Variants in SPG21 observed in about 807,000 individuals in gnomAD.
SPG21 encodes the protein SPG21 abhydrolase domain containing, maspardin.
SPG21 carries 26 observed loss-of-function variants against 38.9 expected under a neutral mutation model. The observed-to-expected ratio is 0.67, with a 90% confidence interval of 0.49 to 0.93. SPG21 has a LOEUF of 0.93. Among genes scored for constraint, SPG21 ranks in the 40% least tolerant of loss-of-function variants. SPG21 has a pLI of 0.00. For missense variants in SPG21, 333 were observed against 376.5 expected, an observed-to-expected ratio of 0.88 and a Z score of 0.96; for synonymous variants, 136 against 128.9, an observed-to-expected ratio of 1.05 and a Z score of -0.37.
At chr15:64,981,185 G>T in intron 2 of SPG21, 160 bp from the exon 3 acceptor site, 1 of 754,704 alleles carries the variant, frequency 1.3e-6, no homozygotes, top group Non-Finnish European at 2.1e-6. Flanking sequence ...AAACTCCTCT[G>T]ATCTCCTTTT....
chr15:64,979,757 G>C (rs1436847243), intron 3 of SPG21, among the ~76,000 whole-genome samples: 4 of 149,570 alleles, frequency 2.7e-5, no homozygotes, highest in Non-Finnish European at 5.9e-5. Context: ...CCACTTACAA[G>C]TGAATACTGC....
intron 5 of SPG21, among the ~76,000 whole-genome samples, chr15:64,971,182 C>T (rs1345065731): frequency 8.5e-5 from 13 of 152,240 alleles, no homozygotes; most frequent in East Asian, 3.9e-4. Flanking sequence ...CTTGGCCTCC[C>T]GAGTAGCTGG....
At position 64,963,417 on chromosome 15, in the gene SPG21, T is replaced by C. The variant is rs1167453864; in HGVS notation, c.*203A>G. On this transcript the variant is annotated 3_prime_UTR_variant, in exon 9 of 9. Transcript: ENST00000204566. Reference sequence around the variant, plus strand: ...AAAGTACTTCTTCAAATTCAAAAGCTAAGAAAACCAAAGAGGGAACAGTTA... The same window carrying C: ...AAAGTACTTCTTCAAATTCAAAAGCCAAGAAAACCAAAGAGGGAACAGTTA... 1.8e-6 allele frequency: 1 copy of C among 551,668 alleles called. No individual in the cohort carries two copies. Among genetic ancestry groups the C allele is most frequent in the Non-Finnish European group, 3.2e-6 (1 of 310,146 alleles). 34.2% of individuals were successfully genotyped at this position (551,668 alleles called of 1,614,324 possible).
In SPG21 at chr15:64,983,582, T is replaced by C. The variant is rs1345462948; in HGVS notation, c.-13A>G. 2 of 1,557,578 alleles carry C rather than the reference T, an allele frequency of 1.3e-6. No homozygotes were observed. The highest frequency in any genetic ancestry group is 1.7e-6 in the Non-Finnish European group (2 of 1,144,370). ...TAATCTCTCCCATGATTAGCTGAAATGGAGGTTAATCCTGAAATAAAAGCA... is the reference window on the plus strand; with the variant it reads ...TAATCTCTCCCATGATTAGCTGAAACGGAGGTTAATCCTGAAATAAAAGCA... On this transcript the variant is annotated 5_prime_UTR_variant, in exon 2 of 9. Transcript: ENST00000204566.
Position 64,963,437 on chromosome 15 carries a change from C to A in SPG21, c.*183G>T. Reference sequence around the variant, plus strand: ...AAAGCTAAGAAAACCAAAGAGGGAACAGTTACACAGGCTTAGTGGAGATGC... The same window carrying A: ...AAAGCTAAGAAAACCAAAGAGGGAAAAGTTACACAGGCTTAGTGGAGATGC... On this transcript the variant is annotated 3_prime_UTR_variant, in exon 9 of 9. Coordinates refer to ENST00000204566, the MANE Select transcript of SPG21 (RefSeq NM_016630.7). The A allele has an allele frequency of 1.7e-6, 1 of 599,826 alleles. No individual in the cohort carries two copies. The allele number at this position is 599,826 out of a possible 1,614,324, so 37.2% of individuals were successfully genotyped here. A position where few individuals can be genotyped will look rare whatever the true frequency, so the allele number is the denominator to read the frequency against.
At chr15:64,972,224 T>C (rs1197760410) in intron 5 of SPG21, among the ~76,000 whole-genome samples, 2 of 152,122 alleles carry the variant, frequency 1.3e-5, no homozygotes, top group Non-Finnish European at 2.9e-5. Flanking sequence ...CCCATCACTT[T>C]CTTATCTTTT....
At position 64,980,808 on chromosome 15, in the gene SPG21, A is replaced by AT; in HGVS notation, c.225+55dup. 12 of 1,548,470 alleles carry AT rather than the reference A, an allele frequency of 7.7e-6. No individual in the cohort carries two copies. In the South Asian group the frequency reaches 9.0e-5, roughly 12 times the overall value. On this transcript the variant is annotated intron_variant, in intron 3 of 8. Transcript: ENST00000204566. ...ACTATAGCTGATGAGAGACAGAAGC[A>AT]TAAAAAAAAAAAAACACACAAAACG...
At chr15:64,978,590 GATGT>G (rs1020692236) in intron 3 of SPG21, among the ~76,000 whole-genome samples, 1 of 152,172 alleles carries the variant, frequency 6.6e-6, no homozygotes, top group African/African-American at 2.4e-5. Context: ...TTTTAGATTT[GATGT>G]ATGACTTTCA....
intron 7 of SPG21, among the ~76,000 whole-genome samples, chr15:64,965,842 C>T (rs1207362754): frequency 6.6e-6 from 1 of 151,900 alleles, no homozygotes; most frequent in Non-Finnish European, 1.5e-5. Context: ...CCTGGGACTA[C>T]AGGCATGCGC....
In SPG21 at chr15:64,974,452, G is replaced by C. The variant is rs961027873; in HGVS notation, c.452+150C>G. The C allele has an allele frequency of 3.3e-6, 3 of 896,614 alleles. No individual in the cohort carries two copies. The East Asian group carries it at 8.0e-5, about 24-fold the overall frequency. The allele number at this position is 896,614 out of a possible 1,614,324, so 55.5% of individuals were successfully genotyped here. On this transcript the variant is annotated intron_variant, in intron 5 of 8. Coordinates refer to ENST00000204566, the MANE Select transcript of SPG21 (RefSeq NM_016630.7). ...ATTGCACCACTGCACTTCAGCCTGGGTGACAGAGCAAGACTCTGTCTCAAA... is the reference window on the plus strand; with the variant it reads ...ATTGCACCACTGCACTTCAGCCTGGCTGACAGAGCAAGACTCTGTCTCAAA...
intron 1 of SPG21, among the ~76,000 whole-genome samples, chr15:64,985,797 T>A (rs902371227): frequency 6.6e-6 from 1 of 152,176 alleles, no homozygotes; most frequent in African/African-American, 2.4e-5. Flanking sequence ...GAGCCCTCAG[T>A]AGACTCAACT....
At chr15:64,974,820 T>C (rs1180218116) in intron 4 of SPG21, 73 bp from the exon 5 acceptor site, 28 of 1,559,700 alleles carry the variant, frequency 1.8e-5, no homozygotes, top group Non-Finnish European at 2.5e-5. Flanking sequence ...AAAAGTTGCT[T>C]CAATTATCAC....
chr15:64,968,458 T>C (rs2085591466), intron 7 of SPG21, among the ~76,000 whole-genome samples: 1 of 152,128 alleles, frequency 6.6e-6, no homozygotes, highest in Admixed American at 6.5e-5. Context: ...AAATGTTGTA[T>C]GATTCTACTT....
At chr15:64,968,754 T>C (rs1039925337) in intron 7 of SPG21, among the ~76,000 whole-genome samples, 1 of 152,188 alleles carries the variant, frequency 6.6e-6, no homozygotes, top group African/African-American at 2.4e-5. Context: ...ATGGAATTCT[T>C]GATTCTCTAC....
intron 7 of SPG21, among the ~76,000 whole-genome samples, chr15:64,968,664 A>T (rs59934515): frequency 0.31 from 47,768 of 152,050 alleles, 8,625 homozygotes; most frequent in South Asian, 0.49. Context: ...CTATGCACTT[A>T]AAAATGGTTA....
At chr15:64,977,096 T>C (rs550087409) in intron 3 of SPG21, among the ~76,000 whole-genome samples, 1 of 152,276 alleles carries the variant, frequency 6.6e-6, no homozygotes, top group Non-Finnish European at 1.5e-5. Flanking sequence ...AGACAGAGTC[T>C]CCTCTGTTGC....
chr15:64,976,403 T>A, intron 4 of SPG21, 72 bp downstream of exon 4: 1 of 1,107,810 alleles, frequency 9.0e-7, no homozygotes, highest in Non-Finnish European at 1.4e-6. Flanking sequence ...CCAGCCTGGG[T>A]GACAGAGTGA....
chr15:64,968,406 T>C (rs554977732), intron 7 of SPG21, among the ~76,000 whole-genome samples: 8 of 151,624 alleles, frequency 5.3e-5, no homozygotes, highest in Admixed American at 3.9e-4. Flanking sequence ...AAGATAAGTC[T>C]TGTGAAACAT....
intron 1 of SPG21, among the ~76,000 whole-genome samples, chr15:64,985,199 T>C (rs966990821): frequency 6.6e-6 from 1 of 152,076 alleles, no homozygotes; most frequent in Non-Finnish European, 1.5e-5. Flanking sequence ...TAGGAAAAAA[T>C]GTGTAGTCTT....
Sources: gnomAD v4.1 joint callset for allele counts (sites outside exome capture counted in the v4.1 genomes callset) on GRCh38, gnomAD v4.1.1 for gene constraint, MANE v1.5 for transcripts, NCBI Gene and HGNC (gene_info 2026-07-23, HGNC 2026-07-21) for gene names.